The following CLCA1 variants were observed in gnomAD, a reference collection of about 807,000 sequenced individuals.
The protein encoded by CLCA1 is chloride channel accessory 1, also known as calcium-activated chloride channel regulator 1.
Under a neutral mutation model 85.6 loss-of-function variants are expected in CLCA1, and 59 were observed. The observed-to-expected ratio is 0.69, with a 90% CI of 0.56 to 0.86. CLCA1 has a LOEUF of 0.86. Ranked by LOEUF, CLCA1 falls within the 40% of genes least tolerant of loss-of-function variation. CLCA1 has a pLI of 0.00. For missense variants in CLCA1, 1,022 were observed against 1,101.4 expected (o/e 0.93, Z 1.02); for synonymous variants, 396 against 398.3 (o/e 0.99, Z 0.07).
chr1:86,470,600 C>T (rs1257636616), intron 1 of CLCA1, among the ~76,000 whole-genome samples: 1 of 152,202 alleles, frequency 6.6e-6, no homozygotes, highest in Non-Finnish European at 1.5e-5. Flanking sequence ...TCCCGAGATA[C>T]GTACTTCTCG....
At chr1:86,470,538 A>G (rs188455367) in intron 1 of CLCA1, among the ~76,000 whole-genome samples, 3 of 152,350 alleles carry the variant, frequency 2.0e-5, no homozygotes, top group African/African-American at 7.2e-5. Flanking sequence ...TACAGTATAT[A>G]GTGACTAGAG....
intron 1 of CLCA1, among the ~76,000 whole-genome samples, chr1:86,471,065 T>TATAC (rs1314137275): frequency 2.0e-5 from 3 of 152,060 alleles, no homozygotes; most frequent in Non-Finnish European, 4.4e-5. Context: ...CCCCGTCAAA[T>TATAC]ATACATACAC....
At chr1:86,474,060 A>G (rs1205010935) in intron 3 of CLCA1, among the ~76,000 whole-genome samples, 184 bp downstream of exon 3, 1 of 152,244 alleles carries the variant, frequency 6.6e-6, no homozygotes, top group Non-Finnish European at 1.5e-5. Flanking sequence ...TTTCTCAGCT[A>G]TGAATTTAAT....
chr1:86,496,692 C>G (rs1334131986), intron 12 of CLCA1, among the ~76,000 whole-genome samples: 2 of 152,224 alleles, frequency 1.3e-5, no homozygotes, highest in East Asian at 3.9e-4. Flanking sequence ...CATGGTGTCA[C>G]TCATGCAAAG....
intron 4 of CLCA1, among the ~76,000 whole-genome samples, chr1:86,481,304 T>C (rs1314956130): frequency 6.6e-6 from 1 of 151,806 alleles, no homozygotes; most frequent in Non-Finnish European, 1.5e-5. Flanking sequence ...GCCCACCTAA[T>C]TTTCATTGTA....
At chr1:86,492,639 T>G (rs145197665) in intron 9 of CLCA1, among the ~76,000 whole-genome samples, 24 of 152,290 alleles carry the variant, frequency 1.6e-4, no homozygotes, top group African/African-American at 5.3e-4. Context: ...ATCCTCAAAA[T>G]CACATTTTCT....
At chr1:86,477,861 T>C (rs1376032148) in intron 4 of CLCA1, among the ~76,000 whole-genome samples, 2 of 152,236 alleles carry the variant, frequency 1.3e-5, no homozygotes, top group African/African-American at 2.4e-5. Flanking sequence ...ACCATCTTTT[T>C]AAGTAGAAGT....
chr1:86,486,594 G>A lies in CLCA1; in HGVS notation c.1023G>A (p.Gly341=). The part of the protein sequence containing the change: ...QLFLLQTVEL[G]SWVGMVTFDS... ...TCCTGCTGCAGACAGTTGAGCTGGGGTCCTGGGTTGGGATGGTGACATTTG... is the reference window on the plus strand; with the variant it reads ...TCCTGCTGCAGACAGTTGAGCTGGGATCCTGGGTTGGGATGGTGACATTTG... The change falls in exon 7 of 14, where the codon GGG becomes GGA. Residue 341 remains glycine (G), a synonymous_variant. Transcript: ENST00000394711. The A allele has an allele frequency of 6.2e-7, 1 of 1,614,166 alleles. No individual in the cohort carries two copies. The highest frequency in any genetic ancestry group is 8.5e-7 in the Non-Finnish European group (1 of 1,180,032).
chr1:86,496,897 GT>G (rs1315935925), intron 12 of CLCA1, among the ~76,000 whole-genome samples: 1 of 151,946 alleles, frequency 6.6e-6, no homozygotes, highest in African/African-American at 2.4e-5. Context: ...GCCCAGCTAA[GT>G]TTTGTATTTT....
chr1:86,473,655 C>G lies in CLCA1; in HGVS notation c.304-74C>G, dbSNP rs953418767. On this transcript the variant is annotated intron_variant, in intron 2 of 13. Coordinates refer to ENST00000394711, the MANE Select transcript of CLCA1 (RefSeq NM_001285.4). The stretch of plus-strand genomic sequence containing the variant: ...TAGAATCAAATGTGATTGTTTGAAA[C>G]TTACTCCAGTACGAATATGGTTAAT... 4 of 1,497,838 alleles carry G rather than the reference C, an allele frequency of 2.7e-6. No homozygotes were observed. In the East Asian group the frequency reaches 6.9e-5, roughly 26 times the overall value. The allele number at this position is 1,497,838 out of a possible 1,614,324, so 92.8% of individuals were successfully genotyped here.
chr1:86,474,370 C>T (rs1478758110), intron 3 of CLCA1, among the ~76,000 whole-genome samples: 3 of 152,108 alleles, frequency 2.0e-5, no homozygotes, highest in Non-Finnish European at 4.4e-5. Context: ...CTGGCTAACA[C>T]AGTGAAACCC....
In CLCA1 at chr1:86,473,759, C is replaced by G. The variant is rs138151981; in HGVS notation, c.334C>G (p.Pro112Ala). The G allele has an allele frequency of 5.0e-6, 8 of 1,596,900 alleles. No individual in the cohort carries two copies. The African/African-American group carries it at 9.4e-5, about 19-fold the overall frequency. Reference sequence around the variant, plus strand: ...TGTTCTGGTTGCTGAGTCTACTCCTCCAGGTAATGATGAACCCTACACTGA... The same window carrying G: ...TGTTCTGGTTGCTGAGTCTACTCCTGCAGGTAATGATGAACCCTACACTGA... ...ADVLVAESTPPGNDEPYTEQM... is the reference protein window; with the variant it reads ...ADVLVAESTPAGNDEPYTEQM... Residue 112 changes from proline to alanine, a missense_variant, in exon 3 of 14, where the codon CCA becomes GCA. Transcript: ENST00000394711.
chr1:86,493,724 G>C, intron 10 of CLCA1, 125 bp downstream of exon 10: 2 of 725,282 alleles, frequency 2.8e-6, no homozygotes, highest in Admixed American at 2.9e-5. Context: ...ATCAAAGAGA[G>C]AACGAGGAAA....
chr1:86,483,764 T>C (rs1346925097), intron 5 of CLCA1, among the ~76,000 whole-genome samples: 2 of 152,300 alleles, frequency 1.3e-5, no homozygotes, highest in African/African-American at 4.8e-5. Flanking sequence ...TGTCAGGCAC[T>C]AGGGCTAAAT....
intron 8 of CLCA1, 97 bp from the exon 9 acceptor site, chr1:86,491,168 A>T: frequency 1.4e-6 from 1 of 740,712 alleles, no homozygotes; most frequent in Non-Finnish European, 2.3e-6. Context: ...AATAACACAA[A>T]GGGATATTTA....
At chr1:86,471,352 T>C (rs139887161) in intron 1 of CLCA1, among the ~76,000 whole-genome samples, 9 of 152,364 alleles carry the variant, frequency 5.9e-5, no homozygotes, top group South Asian at 2.1e-4. Flanking sequence ...GTCAATATAC[T>C]GTCCCTGTCC....
chr1:86,492,540 C>T (rs977255234), intron 9 of CLCA1, among the ~76,000 whole-genome samples: 2 of 152,202 alleles, frequency 1.3e-5, no homozygotes, highest in African/African-American at 4.8e-5. Context: ...TTGTGATCTA[C>T]CTGTGAAACT....
At chr1:86,485,315 A>T in intron 5 of CLCA1, 28 bp from the exon 6 acceptor site, 3 of 1,504,984 alleles carry the variant, frequency 2.0e-6, no homozygotes, top group Non-Finnish European at 2.8e-6. Flanking sequence ...GTTTACCATT[A>T]TCTATATAAT....
At chr1:86,491,218 T>A in intron 8 of CLCA1, 47 bp from the exon 9 acceptor site, 1 of 1,396,358 alleles carries the variant, frequency 7.2e-7, no homozygotes. Flanking sequence ...ATGTTGCAAA[T>A]AGTTGCTTTC....
Sources: allele counts gnomAD v4.1 joint callset (sites outside exome capture counted in the v4.1 genomes callset), GRCh38; gene constraint gnomAD v4.1.1; transcripts MANE v1.5; gene names NCBI Gene and HGNC (gene_info 2026-07-23, HGNC 2026-07-21).